The following ZNF726 variants were observed in gnomAD, a reference collection of about 807,000 sequenced individuals.
ZNF726 encodes zinc finger protein 92 pseudogene 3.
ZNF726 carries 15 observed loss-of-function variants against 11.6 expected under a neutral mutation model. That is an observed-to-expected ratio of 1.29 (90% CI 0.86 to 1.99). The LOEUF (loss-of-function observed/expected upper bound fraction) is 1.99, where lower values mean the gene tolerates loss of function less well. Among genes scored for constraint, ZNF726 ranks in the 30% most tolerant of loss-of-function variants. ZNF726 has a pLI of 0.00. For missense variants in ZNF726, 890 were observed against 725.6 expected (o/e 1.23, Z -2.60); for synonymous variants, 295 against 243.6 (o/e 1.21, Z -1.96).
rs568453573 is a variant in ZNF726, at chr19:23,939,549, T to C, written c.227-3945T>C. ...TGTGGGTAGATACCCAGTGGTGAGA[T>C]TGCTGGATCAAATGGTAGTTCTACT... On this transcript the variant is annotated intron_variant, in intron 3 of 4. Coordinates refer to the ZNF726 transcript ENST00000334589. Among the ~76,000 whole-genome samples the C allele has an allele frequency of 2.6e-5, 4 of 152,342 alleles. No individual in the cohort carries two copies. In the East Asian group the frequency reaches 7.7e-4, roughly 29 times the overall value.
At chr19:23,929,838 T>C (rs931507862) in intron 3 of ZNF726, among the ~76,000 whole-genome samples, 15 of 152,216 alleles carry the variant, frequency 9.9e-5, no homozygotes, top group African/African-American at 3.4e-4. Flanking sequence ...TTAAGAGTTA[T>C]ATGCATCATC....
chr19:23,917,653 T>C (rs1967736125), intron 1 of ZNF726, among the ~76,000 whole-genome samples: 1 of 152,202 alleles, frequency 6.6e-6, no homozygotes, highest in Admixed American at 6.5e-5. Context: ...TTATTCTGTA[T>C]CCTTTTTTGT....
At chr19:23,931,473 C>T (rs984625115) in intron 3 of ZNF726, among the ~76,000 whole-genome samples, 5 of 151,850 alleles carry the variant, frequency 3.3e-5, no homozygotes, top group African/African-American at 9.7e-5. Context: ...ATTACCAATT[C>T]TTAAAATTAA....
At chr19:23,926,569 CAA>C (rs76766569) in intron 3 of ZNF726, among the ~76,000 whole-genome samples, 24,125 of 114,150 alleles carry the variant, frequency 0.21, 2,059 homozygotes, top group African/African-American at 0.26. Flanking sequence ...GACTCTGTTC[CAA>C]AAAAAAAAAA....
chr19:23,934,193 T>A lies in ZNF726; in HGVS notation c.*226T>A. The A allele has an allele frequency of 1.3e-6, 1 of 793,026 alleles. No homozygotes were observed. Among genetic ancestry groups the A allele is most frequent in the Non-Finnish European group, 2.2e-6 (1 of 451,980 alleles). The allele number at this position is 793,026 out of a possible 1,614,324, so 49.1% of individuals were successfully genotyped here. ...AATCATTCTCAAATCTTACTACACA[T>A]AAGATAATTCATACTGGAAATAAAC... On this transcript the variant is annotated 3_prime_UTR_variant, in exon 4 of 4. Coordinates refer to ENST00000594466, the MANE Select transcript of ZNF726 (RefSeq NM_001244038.2).
At chr19:23,920,230 A>T in intron 3 of ZNF726, 148 bp downstream of exon 3, 1 of 440,902 alleles carries the variant, frequency 2.3e-6, no homozygotes, top group Non-Finnish European at 4.1e-6. Flanking sequence ...ACTCTCAGAT[A>T]GGGGCATCTT....
Position 23,923,324 on chromosome 19 carries a change from A to G in ZNF726, c.226+3242A>G, listed in dbSNP as rs1055372463. 1.9e-5 allele frequency: 7 copies of G among 368,436 alleles called. No homozygotes were observed. In the East Asian group the frequency reaches 6.9e-4, roughly 36 times the overall value. 22.8% of individuals were successfully genotyped at this position (368,436 alleles called of 1,614,324 possible). ...ATGAATTTCTTTTAAATGCTTATCT[A>G]TTAAAAGTTTCTCATTAGCATCTCC... is the stretch of plus-strand genomic sequence containing the variant. On this transcript the variant is annotated intron_variant, in intron 3 of 3. Coordinates refer to ENST00000594466, the MANE Select transcript of ZNF726 (RefSeq NM_001244038.2).
intron 3 of ZNF726, among the ~76,000 whole-genome samples, chr19:23,931,133 G>C (rs978994222): frequency 9.9e-5 from 15 of 152,138 alleles, no homozygotes; most frequent in African/African-American, 3.6e-4. Context: ...ACCATGCCCA[G>C]CTAACTTTTT....
chr19:23,926,170 T>G (rs1967982351), intron 3 of ZNF726, among the ~76,000 whole-genome samples: 2 of 152,194 alleles, frequency 1.3e-5, no homozygotes, highest in Admixed American at 6.5e-5. Flanking sequence ...ATTTTTTGTT[T>G]TTTTCTTTGG....
intron 1 of ZNF726, chr19:23,919,122 T>G: frequency 2.6e-6 from 1 of 379,676 alleles, no homozygotes; most frequent in East Asian, 7.1e-5. Context: ...TGTTAGTACA[T>G]TTTTACACTT....
chr19:23,941,411 GT>G (rs1568384219), intron 3 of ZNF726, among the ~76,000 whole-genome samples: 1 of 152,132 alleles, frequency 6.6e-6, no homozygotes, highest in Non-Finnish European at 1.5e-5. Flanking sequence ...TAGCATCAAT[GT>G]TTGTCAAGGA....
chr19:23,935,458 C>A (rs182993314), downstream of ZNF726: 21 of 511,016 alleles, frequency 4.1e-5, no homozygotes, highest in Admixed American at 3.8e-4. Flanking sequence ...GGAGAGAAAT[C>A]TTACAAGTGT....
chr19:23,934,101 T>TA lies in ZNF726; in HGVS notation c.*135dup. The stretch of plus-strand genomic sequence containing the variant: ...GAAAAAGCTTTTAATCCTCAAATCT[T>TA]ACTAAACATTAGATAATTCACACTG... On this transcript the variant is annotated 3_prime_UTR_variant, in exon 4 of 4. Transcript: ENST00000594466. 8.7e-7 allele frequency: 1 copy of TA among 1,154,952 alleles called. No individual in the cohort carries two copies. 71.5% of individuals were successfully genotyped at this position (1,154,952 alleles called of 1,614,324 possible).
At chr19:23,937,623 G>T (rs563219446), downstream of ZNF726, among the ~76,000 whole-genome samples, 4 of 151,958 alleles carry the variant, frequency 2.6e-5, no homozygotes, top group South Asian at 8.3e-4. Flanking sequence ...TTCCTAGATG[G>T]GATGGCGGCC....
Position 23,934,208 on chromosome 19 carries a change from T to C in ZNF726, c.*241T>C. ...TTACTACACATAAGATAATTCATAC[T>C]GGAAATAAACCCTACAAATGTGAAA... On this transcript the variant is annotated 3_prime_UTR_variant, in exon 4 of 4. Coordinates refer to ENST00000594466, the MANE Select transcript of ZNF726 (RefSeq NM_001244038.2). 1.3e-6 allele frequency: 1 copy of C among 772,398 alleles called. No homozygotes were observed. The highest frequency in any genetic ancestry group is 2.3e-6 in the Non-Finnish European group (1 of 434,324). The allele number at this position is 772,398 out of a possible 1,614,324, so 47.8% of individuals were successfully genotyped here.
In ZNF726 at chr19:23,934,366, T is replaced by A. The variant is rs1968192059; in HGVS notation, c.*399T>A. 7.6e-6 allele frequency: 4 copies of A among 528,086 alleles called. No individual in the cohort carries two copies. The highest frequency in any genetic ancestry group is 1.5e-5 in the South Asian group (1 of 68,008). 32.7% of individuals were successfully genotyped at this position (528,086 alleles called of 1,614,324 possible). A position where few individuals can be genotyped will look rare whatever the true frequency, so the allele number is the denominator to read the frequency against. ...CAACTGTTACTGAACATAAAGTAATTCATACTGAAGAGAAACCCTACAAAT... is the reference window on the plus strand; with the variant it reads ...CAACTGTTACTGAACATAAAGTAATACATACTGAAGAGAAACCCTACAAAT... On this transcript the variant is annotated 3_prime_UTR_variant, in exon 4 of 4. Transcript: ENST00000594466.
In ZNF726 at chr19:23,919,522, A is replaced by T. The variant is rs779581593; in HGVS notation, c.130+23A>T. On this transcript the variant is annotated intron_variant, in intron 2 of 3. Coordinates refer to ENST00000594466, the MANE Select transcript of ZNF726 (RefSeq NM_001244038.2). Reference sequence around the variant, plus strand: ...TGGGTGAGGATAACTTTAATACAAAATTTTTAATATAAACTAAAGCTTTTA... The same window carrying T: ...TGGGTGAGGATAACTTTAATACAAATTTTTTAATATAAACTAAAGCTTTTA... The T allele has an allele frequency of 1.9e-6, 3 of 1,558,228 alleles. No homozygotes were observed. In the African/African-American group the frequency reaches 4.2e-5, roughly 22 times the overall value.
At chr19:23,944,287 G>A (rs2145009048) in intron 4 of ZNF726, 1 of 152,012 alleles carries the variant, frequency 6.6e-6, no homozygotes, top group Non-Finnish European at 1.5e-5. Context: ...TGTATATATG[G>A]TTTGCTATTG....
At chr19:23,918,119 G>A (rs1267507452) in intron 1 of ZNF726, among the ~76,000 whole-genome samples, 1 of 152,174 alleles carries the variant, frequency 6.6e-6, no homozygotes, top group Non-Finnish European at 1.5e-5. Context: ...TGTGACGGGA[G>A]GGGTAATTCA....
Sources: allele counts gnomAD v4.1 joint callset (sites outside exome capture counted in the v4.1 genomes callset), GRCh38; gene constraint gnomAD v4.1.1; transcripts MANE v1.5; gene names NCBI Gene and HGNC (gene_info 2026-07-23, HGNC 2026-07-21).